Variants in GCG observed in about 807,000 individuals in gnomAD.
The protein encoded by GCG is glucagon.
GCG carries 11 observed loss-of-function variants against 22.8 expected under a neutral mutation model. The ratio of observed to expected loss-of-function variants is 0.48; its 90% CI spans 0.30 to 0.80. The LOEUF (loss-of-function observed/expected upper bound fraction) is 0.80. Among genes scored for constraint, GCG ranks in the 30% least tolerant of loss-of-function variants. GCG has a pLI of 0.06. For synonymous variants in GCG, 89 were observed against 72.4 expected (o/e 1.23, Z -1.16); for missense variants, 222 against 222.0 (o/e 1.00, Z 0.00).
intron 4 of GCG, chr2:162,145,202 C>A (rs968505429): frequency 1.1e-5 from 2 of 185,094 alleles, no homozygotes; most frequent in African/African-American, 2.3e-5. Context: ...ATCTCTAGCT[C>A]CCCTAGAACA....
chr2:162,146,416 C>T (rs1264864060), intron 3 of GCG, among the ~76,000 whole-genome samples: 3 of 152,040 alleles, frequency 2.0e-5, no homozygotes, highest in Non-Finnish European at 4.4e-5. Flanking sequence ...CACTGTAGTC[C>T]TTAAGAGGGA....
At chr2:162,147,588 C>T in intron 2 of GCG, 74 bp from the exon 3 acceptor site, 3 of 1,288,794 alleles carry the variant, frequency 2.3e-6, no homozygotes, top group Non-Finnish European at 3.4e-6. Flanking sequence ...ATCTTCACTA[C>T]AAAATACAAG....
chr2:162,146,786 C>G (rs761823562), intron 3 of GCG, among the ~76,000 whole-genome samples: 3 of 152,080 alleles, frequency 2.0e-5, no homozygotes, highest in Non-Finnish European at 4.4e-5. Flanking sequence ...ACCCAACACT[C>G]GTCAAAGAAA....
chr2:162,145,879 G>T (rs529879767), intron 3 of GCG, among the ~76,000 whole-genome samples: 1 of 152,146 alleles, frequency 6.6e-6, no homozygotes, highest in South Asian at 2.1e-4. Flanking sequence ...AATAACAATC[G>T]GTGGGCTAAA....
intron 1 of GCG, among the ~76,000 whole-genome samples, chr2:162,149,769 G>A (rs528681532): frequency 1.3e-5 from 2 of 152,206 alleles, no homozygotes; most frequent in South Asian, 4.1e-4. Flanking sequence ...GCGGCCAACA[G>A]ATTTGAGGTA....
At chr2:162,144,244 G>T in intron 4 of GCG, 74 bp from the exon 5 acceptor site, 2 of 1,138,862 alleles carry the variant, frequency 1.8e-6, no homozygotes, top group South Asian at 1.2e-5. Flanking sequence ...TCTACCACTG[G>T]TAACATGCAC....
At chr2:162,144,326 T>C (rs987244472) in intron 4 of GCG, 156 bp from the exon 5 acceptor site, 5 of 615,688 alleles carry the variant, frequency 8.1e-6, no homozygotes, top group Non-Finnish European at 1.1e-5. Flanking sequence ...TAAAAACCCA[T>C]GTGGACCAGT....
chr2:162,146,802 A>G (rs1321757529), intron 3 of GCG, among the ~76,000 whole-genome samples: 4 of 152,008 alleles, frequency 2.6e-5, no homozygotes, highest in Non-Finnish European at 5.9e-5. Context: ...AGAAAATCCA[A>G]CATTAAAATG....
Position 162,149,139 on chromosome 2 carries a change from G to T in GCG, c.40C>A (p.Leu14Met). The change falls in exon 2 of 6, where the codon CTG becomes ATG. Residue 14 changes from leucine to methionine, a missense_variant. Physicochemically the swap from Leu to Met is conservative, Grantham distance 15. Coordinates refer to ENST00000418842, the MANE Select transcript of GCG (RefSeq NM_002054.5). ...IYFVAGLFVM[L>M]VQGSWQRSLQ... ...GAACGTTGCCAGCTGCCTTGTACCA[G>T]CATTACAAATAATCCAGCCACAAAG... The T allele has an allele frequency of 6.2e-7, 1 of 1,612,222 alleles. No homozygotes were observed. Among genetic ancestry groups the T allele is most frequent in the Non-Finnish European group, 8.5e-7 (1 of 1,178,816 alleles).
chr2:162,145,425 C>A (rs1686659297), intron 4 of GCG, 115 bp downstream of exon 4: 1 of 869,784 alleles, frequency 1.1e-6, no homozygotes, highest in Non-Finnish European at 1.7e-6. Flanking sequence ...GAATTATTTC[C>A]TTACTTTGCA....
intron 4 of GCG, chr2:162,145,000 T>C (rs979473347): frequency 5.9e-5 from 9 of 152,120 alleles, no homozygotes; most frequent in Non-Finnish European, 2.9e-5. Context: ...TTTTACCTAT[T>C]TGTACTTTGA....
At position 162,147,605 on chromosome 2, in the gene GCG, T is replaced by A. The variant is rs748434023; in HGVS notation, c.93-91A>T. 6.4e-6 allele frequency: 7 copies of A among 1,100,194 alleles called. No homozygotes were observed. In the East Asian group the frequency reaches 1.2e-4, roughly 18 times the overall value. 68.2% of individuals were successfully genotyped at this position (1,100,194 alleles called of 1,614,324 possible). On this transcript the variant is annotated intron_variant, in intron 2 of 5. Transcript: ENST00000418842. ...CTTCACTACAAAATACAAGACCATATAAAACAGTAAGGCAGGCATCTAGAG... is the reference window on the plus strand; with the variant it reads ...CTTCACTACAAAATACAAGACCATAAAAAACAGTAAGGCAGGCATCTAGAG...
At position 162,149,102 on chromosome 2, in the gene GCG, G is replaced by A; in HGVS notation, c.77C>T (p.Thr26Ile). 2 of 1,604,982 alleles carry A rather than the reference G, an allele frequency of 1.2e-6. No homozygotes were observed. Among genetic ancestry groups the A allele is most frequent in the Non-Finnish European group, 1.7e-6 (2 of 1,172,194 alleles). Residue 26 changes from threonine to isoleucine, a missense_variant, in exon 2 of 6, where the codon ACA (threonine) becomes ATA (isoleucine). Physicochemically the swap from Thr to Ile is moderately conservative, Grantham distance 89. Transcript: ENST00000418842. ...QGSWQRSLQD[T>I]EEKSRSFSAS... Reference sequence around the variant, plus strand: ...GATTTAATACCTGGATTTCTCCTCTGTGTCTTGAAGGGAACGTTGCCAGCT... The same window carrying A: ...GATTTAATACCTGGATTTCTCCTCTATGTCTTGAAGGGAACGTTGCCAGCT...
intron 5 of GCG, among the ~76,000 whole-genome samples, chr2:162,143,658 TTAAG>T (rs758197624): frequency 5.3e-5 from 8 of 152,208 alleles, no homozygotes; most frequent in Non-Finnish European, 1.0e-4. Flanking sequence ...TCTTATTAAA[TTAAG>T]TATGTAATAT....
At chr2:162,148,247 A>G (rs1317306098) in intron 2 of GCG, among the ~76,000 whole-genome samples, 6 of 152,160 alleles carry the variant, frequency 3.9e-5, no homozygotes, top group African/African-American at 1.2e-4. Context: ...TTGGCAAGAT[A>G]TTAAAAAAGG....
intron 1 of GCG, among the ~76,000 whole-genome samples, chr2:162,149,877 A>G (rs1192619826): frequency 6.6e-6 from 1 of 152,164 alleles, no homozygotes; most frequent in Non-Finnish European, 1.5e-5. Flanking sequence ...AACGTGAACA[A>G]TCACAACTAA....
chr2:162,145,669 A>G lies in GCG; in HGVS notation c.263T>C (p.Ile88Thr), dbSNP rs1401068219. Residue 88 changes from isoleucine (I) to threonine (T), a missense_variant, in exon 4 of 6, where the codon ATT (isoleucine) becomes ACT (threonine). Ile to Thr is a moderately conservative substitution (Grantham distance 89). Transcript: ENST00000418842. ...LMNTKRNRNN[I>T]AKRHDEFERH... Reference sequence around the variant, plus strand: ...CTCAAATTCATCGTGACGTTTGGCAATGTTATTCCTGAAAGAAATGTGAAA... The same window carrying G: ...CTCAAATTCATCGTGACGTTTGGCAGTGTTATTCCTGAAAGAAATGTGAAA... 1 of 1,609,598 alleles carries G rather than the reference A, an allele frequency of 6.2e-7. No homozygotes were observed. Among genetic ancestry groups the G allele is most frequent in the Non-Finnish European group, 8.5e-7 (1 of 1,177,758 alleles).
At chr2:162,151,535 C>T (rs1260059715) in intron 1 of GCG, among the ~76,000 whole-genome samples, 1 of 152,112 alleles carries the variant, frequency 6.6e-6, no homozygotes, top group Non-Finnish European at 1.5e-5. Context: ...TAATGTATGG[C>T]TTCACTCAGA....
intron 1 of GCG, among the ~76,000 whole-genome samples, chr2:162,150,845 G>A (rs867098681): frequency 6.6e-6 from 1 of 152,082 alleles, no homozygotes; most frequent in Middle Eastern, 3.4e-3. Flanking sequence ...TAGAGCAGGA[G>A]GTATCCTGCC....
Sources: gnomAD v4.1 joint callset for allele counts (sites outside exome capture counted in the v4.1 genomes callset) on GRCh38, gnomAD v4.1.1 for gene constraint, MANE v1.5 for transcripts, NCBI Gene and HGNC (gene_info 2026-07-23, HGNC 2026-07-21) for gene names.